The following HMGA2 variants were observed in gnomAD, a reference collection of about 807,000 sequenced individuals.
The protein encoded by HMGA2 is high mobility group AT-hook 2, also known as high mobility group protein HMGI-C.
A neutral mutation model predicts 19.1 loss-of-function variants in HMGA2; 8 were observed. That is an observed-to-expected ratio of 0.42 (90% CI 0.25 to 0.76). The LOEUF (loss-of-function observed/expected upper bound fraction) is 0.76, where lower values mean the gene tolerates loss of function less well. Ranked by LOEUF, HMGA2 falls within the 30% of genes least tolerant of loss-of-function variation. The pLI, the probability that HMGA2 is intolerant of heterozygous loss-of-function variation, is 0.28. For synonymous variants in HMGA2, 60 were observed against 48.8 expected (o/e 1.23, Z -0.96); for missense variants, 109 against 136.3 (o/e 0.80, Z 1.00).
Position 65,824,936 on chromosome 12 carries a change from C to T in HMGA2, c.-335C>T, listed in dbSNP as rs1181967851. ...GAGCCTCTGCGACCTCAAAGCCTCTCTTCCTTCTCCCTCGCTTCCCTCCTC... is the reference window on the plus strand; with the variant it reads ...GAGCCTCTGCGACCTCAAAGCCTCTTTTCCTTCTCCCTCGCTTCCCTCCTC... On this transcript the variant is annotated 5_prime_UTR_variant, in exon 1 of 5. Coordinates refer to ENST00000403681, the MANE Select transcript of HMGA2 (RefSeq NM_003483.6). 1 of 344,626 alleles carries T rather than the reference C, an allele frequency of 2.9e-6. No homozygotes were observed. Among genetic ancestry groups the T allele is most frequent in the African/African-American group, 2.1e-5 (1 of 47,020 alleles). The allele number at this position is 344,626 out of a possible 1,614,324, so 21.3% of individuals were successfully genotyped here.
chr12:65,838,497 T>A, intron 2 of HMGA2, 22 bp from the exon 3 acceptor site: 3 of 1,600,648 alleles, frequency 1.9e-6, no homozygotes, highest in South Asian at 2.2e-5. Flanking sequence ...AAAACTATAA[T>A]GACTTCCTTT....
At chr12:65,887,201 A>C (rs1873694877) in intron 3 of HMGA2, among the ~76,000 whole-genome samples, 1 of 152,228 alleles carries the variant, frequency 6.6e-6, no homozygotes, top group Admixed American at 6.5e-5. Flanking sequence ...GTTTAAGGCC[A>C]GTTCAATGAA....
intron 3 of HMGA2, among the ~76,000 whole-genome samples, chr12:65,905,659 A>G (rs1237495089): frequency 6.6e-6 from 1 of 152,204 alleles, no homozygotes; most frequent in East Asian, 1.9e-4. Flanking sequence ...TATGCACAGT[A>G]CTCTTTGCAC....
At chr12:65,871,717 C>A (rs1872720365) in intron 3 of HMGA2, among the ~76,000 whole-genome samples, 1 of 152,174 alleles carries the variant, frequency 6.6e-6, no homozygotes, top group Non-Finnish European at 1.5e-5. Flanking sequence ...TTAGTTCACA[C>A]TCAGGCTGTC....
intron 3 of HMGA2, among the ~76,000 whole-genome samples, chr12:65,926,967 T>G (rs1875526830): frequency 6.6e-6 from 1 of 152,220 alleles, no homozygotes. Flanking sequence ...GGGGTCTTTT[T>G]GCCACTTAAG....
At chr12:65,947,354 A>G (rs1454617010) in intron 3 of HMGA2, among the ~76,000 whole-genome samples, 1 of 152,034 alleles carries the variant, frequency 6.6e-6, no homozygotes, top group African/African-American at 2.4e-5. Flanking sequence ...AGCTCAAACA[A>G]TCCTCTCAAA....
chr12:65,871,681 C>T (rs1055307500), intron 3 of HMGA2, among the ~76,000 whole-genome samples: 1 of 152,192 alleles, frequency 6.6e-6, no homozygotes, highest in African/African-American at 2.4e-5. Context: ...GAGAGAACTA[C>T]ATTCCTTTCC....
intron 2 of HMGA2, chr12:65,828,295 A>G (rs1870310909): frequency 4.5e-6 from 2 of 447,544 alleles, no homozygotes; most frequent in Admixed American, 6.6e-5. Flanking sequence ...AAGATACTTA[A>G]CAGTGTTGTT....
chr12:65,907,807 G>A (rs1395911605), intron 3 of HMGA2, among the ~76,000 whole-genome samples: 2 of 152,176 alleles, frequency 1.3e-5, no homozygotes, highest in African/African-American at 2.4e-5. Context: ...GGATTAAGCA[G>A]CTGCACTGGA....
At chr12:65,830,774 A>G (rs973820896) in intron 2 of HMGA2, 7 of 151,922 alleles carry the variant, frequency 4.6e-5, no homozygotes, top group African/African-American at 1.4e-4. Flanking sequence ...TAAATTAGCC[A>G]TCACTTCAAT....
chr12:65,877,534 C>A (rs1304202009), intron 3 of HMGA2, among the ~76,000 whole-genome samples: 2 of 152,126 alleles, frequency 1.3e-5, no homozygotes, highest in African/African-American at 2.4e-5. Flanking sequence ...GTGAGCTGGT[C>A]TCTCCAAAGT....
intron 3 of HMGA2, among the ~76,000 whole-genome samples, chr12:65,863,418 T>C (rs1375252463): frequency 2.0e-5 from 3 of 152,020 alleles, no homozygotes; most frequent in Non-Finnish European, 4.4e-5. Flanking sequence ...AAACTAAAAC[T>C]GTTAAGCCAA....
intron 3 of HMGA2, among the ~76,000 whole-genome samples, chr12:65,927,776 A>G (rs1248980407): frequency 6.6e-6 from 1 of 151,820 alleles, no homozygotes; most frequent in Non-Finnish European, 1.5e-5. Flanking sequence ...GTCCTCATAG[A>G]AAATAAAGGC....
intron 3 of HMGA2, among the ~76,000 whole-genome samples, chr12:65,940,630 A>C (rs1876060702): frequency 6.6e-6 from 1 of 152,220 alleles, no homozygotes; most frequent in Non-Finnish European, 1.5e-5. Context: ...AAAAAATAAG[A>C]AGCACAGAAT....
chr12:65,863,107 A>T (rs1872196410), intron 3 of HMGA2, among the ~76,000 whole-genome samples: 1 of 152,198 alleles, frequency 6.6e-6, no homozygotes, highest in Admixed American at 6.5e-5. Context: ...AATCCTGACG[A>T]CACTATCAGC....
At chr12:65,913,312 G>A (rs1486542027) in intron 3 of HMGA2, among the ~76,000 whole-genome samples, 1 of 151,896 alleles carries the variant, frequency 6.6e-6, no homozygotes, top group Non-Finnish European at 1.5e-5. Flanking sequence ...TCACTTCTCC[G>A]CTTTTCTCCG....
At chr12:65,918,310 C>A (rs1875182014) in intron 3 of HMGA2, among the ~76,000 whole-genome samples, 1 of 152,174 alleles carries the variant, frequency 6.6e-6, no homozygotes, top group Non-Finnish European at 1.5e-5. Context: ...AGGGAAATCA[C>A]ATGTTCCTTT....
rs531688808 is a variant in HMGA2 at position 65,842,630 on chromosome 12, T to C, written c.249+4061T>C. 1.7e-5 allele frequency: 26 copies of C among 1,535,554 alleles called. No homozygotes were observed. In the East Asian group the frequency reaches 6.1e-4, roughly 36 times the overall value. ...TGCAGCTTAGAAGCCTTTCTTCCAA[T>C]AGCAGAGATTTGGTGTCATGTGGTG... On this transcript the variant is annotated intron_variant, in intron 3 of 4. Coordinates refer to ENST00000403681, the MANE Select transcript of HMGA2 (RefSeq NM_003483.6).
At chr12:65,890,727 CTTTT>C (rs113634383) in intron 3 of HMGA2, among the ~76,000 whole-genome samples, 1 of 141,974 alleles carries the variant, frequency 7.0e-6, no homozygotes, top group Admixed American at 7.0e-5. Flanking sequence ...TCAGTATATT[CTTTT>C]TTTTTTTTTT....
Sources: gnomAD v4.1 joint callset for allele counts (sites outside exome capture counted in the v4.1 genomes callset) on GRCh38, gnomAD v4.1.1 for gene constraint, MANE v1.5 for transcripts, NCBI Gene and HGNC (gene_info 2026-07-23, HGNC 2026-07-21) for gene names.